The following FNDC3A variants were observed in gnomAD, a reference collection of about 807,000 sequenced individuals.
FNDC3A encodes fibronectin type III domain containing 3A, also known as fibronectin type-III domain-containing protein 3A.
FNDC3A carries 32 observed loss-of-function variants against 148.9 expected under a neutral mutation model. The ratio of observed to expected loss-of-function variants is 0.21; its 90% CI spans 0.16 to 0.29. The LOEUF (loss-of-function observed/expected upper bound fraction) is 0.29. FNDC3A is among the 10% of genes least tolerant of loss of function. The pLI is 1.00. For missense variants in FNDC3A, 1,191 were observed against 1,452.8 expected, an observed-to-expected ratio of 0.82 and a Z score of 2.93; for synonymous variants, 472 against 473.6, an observed-to-expected ratio of 1.00 and a Z score of 0.04.
intron 8 of FNDC3A, among the ~76,000 whole-genome samples, chr13:49,166,173 A>C (rs1223511447): frequency 6.6e-6 from 1 of 152,214 alleles, no homozygotes; most frequent in Non-Finnish European, 1.5e-5. Flanking sequence ...GGCAACAGCT[A>C]TATGCAGGCT....
At chr13:49,064,935 T>C (rs771092533) in intron 2 of FNDC3A, among the ~76,000 whole-genome samples, 6 of 152,212 alleles carry the variant, frequency 3.9e-5, no homozygotes, top group Non-Finnish European at 7.3e-5. Context: ...CAATATGTTA[T>C]AATGAATGAG....
At chr13:49,118,509 G>A (rs1337199551) in intron 4 of FNDC3A, among the ~76,000 whole-genome samples, 1 of 152,126 alleles carries the variant, frequency 6.6e-6, no homozygotes, top group Admixed American at 6.5e-5. Context: ...AGACAGAACC[G>A]TTCACTCCCC....
At chr13:49,032,803 G>A (rs1874221272) in intron 2 of FNDC3A, among the ~76,000 whole-genome samples, 1 of 152,032 alleles carries the variant, frequency 6.6e-6, no homozygotes, top group Non-Finnish European at 1.5e-5. Context: ...TACTGTGGTA[G>A]TGATTGTACA....
chr13:49,153,659 A>G (rs1185346463), intron 8 of FNDC3A, among the ~76,000 whole-genome samples: 11 of 149,960 alleles, frequency 7.3e-5, no homozygotes, highest in South Asian at 2.1e-4. Flanking sequence ...TAGGTCTAAC[A>G]TTTAAGTCTT....
chr13:49,202,334 G>A (rs546872955), intron 24 of FNDC3A, among the ~76,000 whole-genome samples: 1 of 152,318 alleles, frequency 6.6e-6, no homozygotes, highest in African/African-American at 2.4e-5. Context: ...TTGGATTTCA[G>A]AAGGAAAGCT....
At chr13:49,098,560 A>C (rs990731779) in intron 3 of FNDC3A, among the ~76,000 whole-genome samples, 6 of 152,188 alleles carry the variant, frequency 3.9e-5, no homozygotes, top group African/African-American at 1.4e-4. Flanking sequence ...AAGTGCACTA[A>C]AAATAATTTC....
chr13:49,143,169 TA>T (rs1462024411), intron 7 of FNDC3A, among the ~76,000 whole-genome samples: 5 of 152,088 alleles, frequency 3.3e-5, no homozygotes, highest in African/African-American at 9.7e-5. Context: ...TGCCCAGCCA[TA>T]AGATCTTTTT....
In FNDC3A at chr13:49,207,902, G is replaced by C. The variant is rs1433680195; in HGVS notation, c.*507G>C. The C allele has an allele frequency of 6.5e-6, 1 of 152,728 alleles. No homozygotes were observed. Among genetic ancestry groups the C allele is most frequent in the Admixed American group, 6.5e-5 (1 of 15,286 alleles). The allele number at this position is 152,728 out of a possible 1,614,324, so 9.5% of individuals were successfully genotyped here. A position where few individuals can be genotyped will look rare whatever the true frequency, so the allele number is the denominator to read the frequency against. On this transcript the variant is annotated 3_prime_UTR_variant, in exon 26 of 26. Transcript: ENST00000492622. Reference sequence around the variant, plus strand: ...TTAATTATTTGGTAAGTGGGATTATGATGAGTAACTGGAGGGGCTTAGAAA... The same window carrying C: ...TTAATTATTTGGTAAGTGGGATTATCATGAGTAACTGGAGGGGCTTAGAAA...
chr13:49,030,429 A>C (rs1415900151), intron 2 of FNDC3A, among the ~76,000 whole-genome samples: 1 of 152,204 alleles, frequency 6.6e-6, no homozygotes, highest in Non-Finnish European at 1.5e-5. Flanking sequence ...ATGGTGAAAA[A>C]CAGTATGCTT....
At chr13:48,999,966 G>A (rs1419981164) in intron 1 of FNDC3A, among the ~76,000 whole-genome samples, 3 of 152,130 alleles carry the variant, frequency 2.0e-5, no homozygotes, top group Non-Finnish European at 4.4e-5. Context: ...GCACACTTTT[G>A]TGGTTTTTTT....
At chr13:49,201,209 T>C in intron 23 of FNDC3A, 1 of 289,578 alleles carries the variant, frequency 3.5e-6, no homozygotes, top group Admixed American at 4.0e-5. Context: ...GATATTCAAC[T>C]TCATTGAACA....
At chr13:49,187,476 T>G in intron 16 of FNDC3A, 1 of 1,493,642 alleles carries the variant, frequency 6.7e-7, no homozygotes, top group Non-Finnish European at 9.3e-7. Context: ...AACTGAAACA[T>G]CCTTATGTTT....
chr13:49,136,357 C>G lies in FNDC3A; in HGVS notation c.516C>G (p.Ser172=). Residue 172 remains serine (S), a synonymous_variant, in exon 6 of 26, where the codon TCC becomes TCG. Transcript: ENST00000492622. ...ATGCTCACTCTACACATGGAAGGTC[C>G]AACTTTAGAGATGAACGATCTAGTA... The part of the protein sequence containing the change: ...DVDAHSTHGR[S]NFRDERSSKT... 6.2e-7 allele frequency: 1 copy of G among 1,613,824 alleles called. No individual in the cohort carries two copies. Among genetic ancestry groups the G allele is most frequent in the Non-Finnish European group, 8.5e-7 (1 of 1,179,918 alleles).
intron 2 of FNDC3A, among the ~76,000 whole-genome samples, chr13:49,018,471 C>A (rs977208527): frequency 1.5e-5 from 2 of 134,606 alleles, no homozygotes; most frequent in African/African-American, 2.8e-5. Flanking sequence ...TTAAGCACTT[C>A]TCTGTATTGG....
At chr13:49,206,788 T>C (rs1886670457) in intron 25 of FNDC3A, among the ~76,000 whole-genome samples, 1 of 152,196 alleles carries the variant, frequency 6.6e-6, no homozygotes, top group Non-Finnish European at 1.5e-5. Flanking sequence ...AGCAAGAAAA[T>C]GCTTGAGGAC....
In FNDC3A at chr13:49,068,195, A is replaced by AGT. The variant is rs547733939; in HGVS notation, c.100-7079_100-7078dup. On this transcript the variant is annotated intron_variant, in intron 2 of 25. Coordinates refer to ENST00000492622, the MANE Select transcript of FNDC3A (RefSeq NM_001079673.2). ...TTTAAAAAAAAAAAAAAAGTGTGTA[A>AGT]GTGTGTGTGTGTGTGTAATTTAGCC... 3.3e-3 allele frequency among the ~76,000 whole-genome samples: 392 copies of AGT among 120,538 alleles called. 1 individual carries two copies. Among genetic ancestry groups the AGT allele is most frequent in the African/African-American group, 6.7e-3 (214 of 32,170 alleles). The allele number at this position is 120,538 out of a possible 152,430, so 79.1% of individuals were successfully genotyped here. A position where few individuals can be genotyped will look rare whatever the true frequency, so the allele number is the denominator to read the frequency against.
At chr13:49,160,272 A>G (rs182723809) in intron 8 of FNDC3A, among the ~76,000 whole-genome samples, 81 of 152,226 alleles carry the variant, frequency 5.3e-4, no homozygotes, top group Middle Eastern at 3.4e-3. Flanking sequence ...TTGGTAGTCT[A>G]TTAATTATTG....
At chr13:49,125,868 A>C (rs1264225897) in intron 4 of FNDC3A, among the ~76,000 whole-genome samples, 1 of 152,204 alleles carries the variant, frequency 6.6e-6, no homozygotes, top group Non-Finnish European at 1.5e-5. Context: ...AGAAAAAAAA[A>C]CATGTCTTTG....
intron 17 of FNDC3A, 81 bp downstream of exon 17, chr13:49,188,714 A>AT (rs1394523056): frequency 1.9e-5 from 16 of 830,498 alleles, no homozygotes; most frequent in Admixed American, 1.6e-4. Context: ...CACTTCAAAT[A>AT]TTGAAACATA....
Sources: gnomAD v4.1 joint callset for allele counts (sites outside exome capture counted in the v4.1 genomes callset) on GRCh38, gnomAD v4.1.1 for gene constraint, MANE v1.5 for transcripts, NCBI Gene and HGNC (gene_info 2026-07-23, HGNC 2026-07-21) for gene names.